ATRX: variants seen among roughly 807,000 people sequenced by gnomAD.
ATRX encodes ATRX chromatin remodeler.
Under a neutral mutation model 172.6 loss-of-function variants are expected in ATRX, and 12 were observed. That is an observed-to-expected ratio of 0.07 (90% confidence interval 0.04 to 0.11). ATRX has a LOEUF of 0.11. Ranked by LOEUF, ATRX falls within the 10% of genes least tolerant of loss-of-function variation. The probability of loss-of-function intolerance (pLI) is 1.00; values close to 1 mark genes in which losing one functional copy is unlikely to be tolerated. For missense variants in ATRX, 1,368 were observed against 1,767.4 expected, an observed-to-expected ratio of 0.77 and a Z score of 4.05; for synonymous variants, 674 against 594.7, an observed-to-expected ratio of 1.13 and a Z score of -1.94.
rs2075961501 is a variant in ATRX, at chrX:77,766,684, C to T, written c.20+19298G>A. On this transcript the variant is annotated intron_variant, in intron 1 of 34. Coordinates refer to ENST00000373344, the MANE Select transcript of ATRX (RefSeq NM_000489.6). ...GGATGGCGGCCGGGAAAAGGCGCTC[C>T]TCACTTCCTAGATGGGATGGCGGCC... Among the ~76,000 whole-genome samples the T allele has an allele frequency of 2.8e-5, 3 of 106,095 alleles. No individual in the cohort carries two copies. In the South Asian group the frequency reaches 1.3e-3, roughly 46 times the overall value. The allele number at this position is 106,095 out of a possible 115,157, so 92.1% of individuals were successfully genotyped here.
At chrX:77,531,496 G>C (rs1414876668) in intron 30 of ATRX, among the ~76,000 whole-genome samples, 1 of 111,832 alleles carries the variant, frequency 8.9e-6, no homozygotes, top group African/African-American at 3.2e-5. Context: ...AAATAAATGT[G>C]ATTCATCACA....
chrX:77,531,005 C>T (rs782724258), intron 30 of ATRX, among the ~76,000 whole-genome samples: 5 of 112,293 alleles, frequency 4.5e-5, no homozygotes, highest in African/African-American at 6.5e-5. Flanking sequence ...AATATAAATA[C>T]CTCTGCGCAT....
At chrX:77,669,743 G>A (rs2070453279) in intron 10 of ATRX, among the ~76,000 whole-genome samples, 2 of 111,186 alleles carry the variant, frequency 1.8e-5, no homozygotes, top group Non-Finnish European at 3.8e-5. Flanking sequence ...CTGTTGCCCA[G>A]GCTAGAATGT....
At chrX:77,776,840 C>T (rs1279647789) in intron 1 of ATRX, among the ~76,000 whole-genome samples, 1 of 111,395 alleles carries the variant, frequency 9.0e-6, no homozygotes, top group Non-Finnish European at 1.9e-5. Context: ...AGATGTCAGA[C>T]GTGTGTGCAT....
In ATRX at chrX:77,558,844, C is replaced by A. The variant is rs2147950506; in HGVS notation, c.6329G>T (p.Gly2110Val). 1 of 1,182,536 alleles carries A rather than the reference C, an allele frequency of 8.5e-7. No individual in the cohort carries two copies. Residue 2110 changes from glycine (G) to valine (V), a missense_variant and splice_region_variant, in exon 29 of 35, where the codon GGA (glycine) becomes GTA (valine). By Grantham distance (109) the Gly-to-Val change is moderately radical. Transcript: ENST00000373344. ...TTTAGTAGAAATGATAAATAATCGT[C>A]CTCTGAAAATGAAAATATAGAATAA... The part of the protein sequence containing the change: ...EEFNDETNVR[G>V]RLFIISTKAG...
chrX:77,540,325 T>C (rs782707628), intron 30 of ATRX, among the ~76,000 whole-genome samples: 1 of 111,424 alleles, frequency 9.0e-6, no homozygotes, highest in African/African-American at 3.3e-5. Context: ...AGCAAGTTCT[T>C]AGAGGCCTAC....
At position 77,618,580 on chromosome X, in the gene ATRX, C is replaced by A. The variant is rs528473947; in HGVS notation, c.5448+226G>T. On this transcript the variant is annotated intron_variant, in intron 21 of 34. Coordinates refer to ENST00000373344, the MANE Select transcript of ATRX (RefSeq NM_000489.6). ...ACATAATAAGATATGAGGCTTTACACCTGGCAAATGAATCAACTATGTTTT... is the reference window on the plus strand; with the variant it reads ...ACATAATAAGATATGAGGCTTTACAACTGGCAAATGAATCAACTATGTTTT... Among the ~76,000 whole-genome samples the A allele has an allele frequency of 1.9e-4, 21 of 111,874 alleles. No homozygotes were observed. The South Asian group carries it at 7.8e-3, about 42-fold the overall frequency.
chrX:77,660,882 C>G (rs782043946), intron 12 of ATRX, among the ~76,000 whole-genome samples: 1 of 111,518 alleles, frequency 9.0e-6, no homozygotes, highest in East Asian at 2.8e-4. Context: ...CTCTAAAAAC[C>G]TGACACTCAT....
intron 9 of ATRX, among the ~76,000 whole-genome samples, chrX:77,679,570 A>G (rs1426700757): frequency 8.9e-6 from 1 of 111,922 alleles, no homozygotes; most frequent in African/African-American, 3.2e-5. Flanking sequence ...TACACTAAAT[A>G]TTAATAATTC....
chrX:77,595,341 C>G (rs2066433396), intron 25 of ATRX: 2 of 111,614 alleles, frequency 1.8e-5, no homozygotes, highest in African/African-American at 3.3e-5. Context: ...TCTACATTTG[C>G]TTCTACCAGG....
At chrX:77,636,085 A>G (rs1557107949) in intron 15 of ATRX, 29 bp from the exon 16 acceptor site, 3 of 1,203,779 alleles carry the variant, frequency 2.5e-6, no homozygotes, top group Admixed American at 4.3e-5. Context: ...TTGATAGTTA[A>G]GCTCAAAGAA....
chrX:77,585,562 C>G (rs1301000007), intron 27 of ATRX, among the ~76,000 whole-genome samples: 4 of 68,121 alleles, frequency 5.9e-5, no homozygotes, highest in Non-Finnish European at 7.5e-5. Context: ...GGTGACAGAG[C>G]AAGACCTTGT....
At chrX:77,774,157 G>C (rs1022285234) in intron 1 of ATRX, among the ~76,000 whole-genome samples, 2 of 110,150 alleles carry the variant, frequency 1.8e-5, no homozygotes, top group Non-Finnish European at 3.8e-5. Context: ...GGGAGATGGA[G>C]GTTGCAGTGA....
At chrX:77,693,390 G>C (rs1557148090) in intron 6 of ATRX, among the ~76,000 whole-genome samples, 1 of 112,030 alleles carries the variant, frequency 8.9e-6, no homozygotes, top group South Asian at 3.7e-4. Flanking sequence ...TAATTTGTGA[G>C]GAGTGGAGTC....
In ATRX at chrX:77,698,567, T is replaced by A. The variant is rs781842591; in HGVS notation, c.189+7A>T. 2.5e-6 allele frequency: 3 copies of A among 1,198,043 alleles called. No homozygotes were observed. Among genetic ancestry groups the A allele is most frequent in the Admixed American group, 4.4e-5 (2 of 45,666 alleles). On this transcript the variant is annotated splice_region_variant and intron_variant, in intron 3 of 34. Coordinates refer to ENST00000373344, the MANE Select transcript of ATRX (RefSeq NM_000489.6). ...ACTAACAAATATCTCTAAATAATTA[T>A]CCTTACCTCTTCCTTGCTGTTTTCC...
intron 22 of ATRX, among the ~76,000 whole-genome samples, chrX:77,609,719 C>G (rs1557092932): frequency 9.0e-6 from 1 of 111,662 alleles, no homozygotes; most frequent in Non-Finnish European, 1.9e-5. Flanking sequence ...TTAAGCCATC[C>G]ACCTGCCCTG....
intron 28 of ATRX, among the ~76,000 whole-genome samples, chrX:77,559,622 A>C (rs1243819401): frequency 3.7e-5 from 4 of 108,142 alleles, no homozygotes; most frequent in African/African-American, 6.7e-5. Context: ...ATGCCTGGTT[A>C]ATTTTTGTAT....
chrX:77,602,236 T>C lies in ATRX; in HGVS notation c.5567-1672A>G, dbSNP rs782223944. 2.7e-5 allele frequency among the ~76,000 whole-genome samples: 3 copies of C among 111,593 alleles called. No homozygotes were observed. In the East Asian group the frequency reaches 8.5e-4, roughly 31 times the overall value. ...GTTGACCAGGCTGTTCTTAAACTCC[T>C]AGCTTTAAAGGATTGTTCTGCCTTG... On this transcript the variant is annotated intron_variant, in intron 22 of 34. Coordinates refer to ENST00000373344, the MANE Select transcript of ATRX (RefSeq NM_000489.6).
intron 22 of ATRX, among the ~76,000 whole-genome samples, chrX:77,605,577 A>T (rs190325946): frequency 3.0e-4 from 34 of 111,740 alleles, no homozygotes; most frequent in Admixed American, 4.8e-4. Flanking sequence ...CATGAATACC[A>T]ATTCTTAAAC....
Sources: allele counts gnomAD v4.1 joint callset (sites outside exome capture counted in the v4.1 genomes callset), GRCh38; gene constraint gnomAD v4.1.1; transcripts MANE v1.5; gene names NCBI Gene and HGNC (gene_info 2026-07-23, HGNC 2026-07-21).